Variants in SLC30A8 observed in about 807,000 individuals in gnomAD.
The protein encoded by SLC30A8 is proton-coupled zinc antiporter SLC30A8.
In SLC30A8, 27 loss-of-function variants were observed where a neutral mutation model predicts 36.9. The observed-to-expected ratio is 0.73, with a 90% confidence interval of 0.54 to 1.01. The LOEUF is 1.01. Ranked by LOEUF, SLC30A8 falls within the 50% of genes least tolerant of loss-of-function variation. The pLI is 0.00. For missense variants in SLC30A8, 439 were observed against 452.0 expected (o/e 0.97, Z 0.26); for synonymous variants, 164 against 172.4 (o/e 0.95, Z 0.38).
At chr8:117,128,724 A>C (rs1821014497) in intron 2 of SLC30A8, among the ~76,000 whole-genome samples, 1 of 152,062 alleles carries the variant, frequency 6.6e-6, no homozygotes, top group Admixed American at 6.6e-5. Context: ...ATAACTTCTC[A>C]ATCCTTAGCA....
intron 2 of SLC30A8, among the ~76,000 whole-genome samples, chr8:117,063,039 G>A (rs188238877): frequency 6.6e-6 from 1 of 152,080 alleles, no homozygotes; most frequent in Non-Finnish European, 1.5e-5. Context: ...TAATGACTTC[G>A]AGTCCAACAA....
intron 2 of SLC30A8, among the ~76,000 whole-genome samples, chr8:117,080,181 C>A (rs138783364): frequency 2.6e-3 from 396 of 152,098 alleles, no homozygotes; most frequent in Non-Finnish European, 3.1e-3. Flanking sequence ...CATTTTTACT[C>A]TTGTTTTACA....
upstream of SLC30A8, among the ~76,000 whole-genome samples, chr8:117,131,696 C>G (rs892434511): frequency 4.6e-5 from 7 of 151,946 alleles, no homozygotes; most frequent in Non-Finnish European, 8.8e-5. Flanking sequence ...AAGCTGGAGC[C>G]AATTTCTCAG....
chr8:117,042,685 T>C (rs1444631206), intron 2 of SLC30A8, among the ~76,000 whole-genome samples: 1 of 152,064 alleles, frequency 6.6e-6, no homozygotes, highest in Non-Finnish European at 1.5e-5. Flanking sequence ...TTTTTTTTTT[T>C]TTAGAAGGAG....
At chr8:117,032,236 T>C (rs1019881429) in intron 1 of SLC30A8, among the ~76,000 whole-genome samples, 7 of 152,096 alleles carry the variant, frequency 4.6e-5, no homozygotes, top group African/African-American at 1.7e-4. Context: ...CATACCCCCT[T>C]CTCAGTACTT....
At chr8:117,142,101 C>T (rs1322347645) in intron 1 of SLC30A8, among the ~76,000 whole-genome samples, 3 of 152,126 alleles carry the variant, frequency 2.0e-5, no homozygotes, top group Non-Finnish European at 2.9e-5. Flanking sequence ...CACTCAGCCC[C>T]ATCTTGGGAA....
intron 3 of SLC30A8, among the ~76,000 whole-genome samples, chr8:117,155,143 C>T (rs534766658): frequency 6.6e-6 from 1 of 152,250 alleles, no homozygotes; most frequent in African/African-American, 2.4e-5. Flanking sequence ...TTTAAGCAAT[C>T]ATTGTAACAT....
chr8:117,062,983 A>G (rs982321860), intron 2 of SLC30A8, among the ~76,000 whole-genome samples: 3 of 152,176 alleles, frequency 2.0e-5, no homozygotes, highest in Non-Finnish European at 4.4e-5. Flanking sequence ...TTTGTATGTA[A>G]CACCATGAGA....
At chr8:116,960,149 G>A (rs375730576) in intron 1 of SLC30A8, among the ~76,000 whole-genome samples, 1 of 152,238 alleles carries the variant, frequency 6.6e-6, no homozygotes, top group African/African-American at 2.4e-5. Flanking sequence ...CATATATTTT[G>A]TCTGTGTTTA....
chr8:117,033,172 T>C (rs1360427414), intron 1 of SLC30A8, among the ~76,000 whole-genome samples: 1 of 152,204 alleles, frequency 6.6e-6, no homozygotes, highest in Non-Finnish European at 1.5e-5. Context: ...CAAAAGCAGG[T>C]ATTCAAATAA....
rs183650254 is a variant in SLC30A8, at chr8:117,119,197, A to C, written c.-225-16083A>C. Among the ~76,000 whole-genome samples, 510 of 152,050 alleles carry C rather than the reference A, an allele frequency of 3.4e-3. 4 individuals carry two copies. Among genetic ancestry groups the C allele is most frequent in the Non-Finnish European group, 3.8e-3 (257 of 67,920 alleles). ...GATGCTGAGATACTGTGAGGCTAGC[A>C]GTAAACAATCATCTCAGAGATCCAT... On this transcript the variant is annotated intron_variant, in intron 2 of 10. Coordinates refer to the SLC30A8 transcript ENST00000427715.
intron 4 of SLC30A8, among the ~76,000 whole-genome samples, chr8:117,160,429 GTGTGTGCGCGCACA>G (rs959020968): frequency 7.5e-5 from 11 of 146,098 alleles, no homozygotes; most frequent in African/African-American, 2.8e-4. Flanking sequence ...GTGTGTGTGT[GTGTGTGCGCGCACA>G]TGTGCGCGCG....
chr8:117,154,891 G>A (rs776231488), intron 3 of SLC30A8, among the ~76,000 whole-genome samples: 56 of 152,272 alleles, frequency 3.7e-4, no homozygotes, highest in Non-Finnish European at 5.1e-4. Context: ...TCTCTGCTGC[G>A]AGGGCAATAT....
intron 4 of SLC30A8, among the ~76,000 whole-genome samples, chr8:117,158,294 G>C (rs986113393): frequency 6.6e-6 from 1 of 152,206 alleles, no homozygotes; most frequent in African/African-American, 2.4e-5. Context: ...ACTTACTACT[G>C]TTCCATTTCT....
intron 2 of SLC30A8, among the ~76,000 whole-genome samples, chr8:117,094,440 G>T (rs972074808): frequency 9.9e-5 from 15 of 152,202 alleles, no homozygotes; most frequent in Non-Finnish European, 2.9e-5. Context: ...GTAGAGGGGA[G>T]ACCCTGGAAT....
intron 1 of SLC30A8, among the ~76,000 whole-genome samples, chr8:116,962,523 C>A (rs950843892): frequency 6.6e-6 from 1 of 151,990 alleles, no homozygotes; most frequent in Non-Finnish European, 1.5e-5. Flanking sequence ...TCACTCTAGT[C>A]ATGGCATTAA....
At chr8:117,121,992 A>G (rs1314952278) in intron 2 of SLC30A8, among the ~76,000 whole-genome samples, 2 of 148,040 alleles carry the variant, frequency 1.4e-5, no homozygotes, top group Admixed American at 1.3e-4. Context: ...TTTCACAATA[A>G]AAAACATATA....
intron 1 of SLC30A8, chr8:117,018,204 A>AACT (rs1816582971): frequency 6.6e-6 from 1 of 152,204 alleles, no homozygotes; most frequent in African/African-American, 2.4e-5. Flanking sequence ...ACCTGTGTAT[A>AACT]GCCACTGCAT....
intron 1 of SLC30A8, among the ~76,000 whole-genome samples, chr8:116,993,644 T>C (rs528384598): frequency 1.3e-4 from 20 of 151,858 alleles, no homozygotes; most frequent in Non-Finnish European, 2.6e-4. Flanking sequence ...TAGAAACAGG[T>C]AACCAGAATC....
Sources: gnomAD v4.1 joint callset for allele counts (sites outside exome capture counted in the v4.1 genomes callset) on GRCh38, gnomAD v4.1.1 for gene constraint, MANE v1.5 for transcripts, NCBI Gene and HGNC (gene_info 2026-07-23, HGNC 2026-07-21) for gene names.